The following CDC45 variants were observed in gnomAD, a reference collection of about 807,000 sequenced individuals.
The protein encoded by CDC45 is cell division control protein 45 homolog.
CDC45 carries 54 observed loss-of-function variants against 77.8 expected under a neutral mutation model. That is an observed-to-expected ratio of 0.69 (90% CI 0.56 to 0.87). The LOEUF (loss-of-function observed/expected upper bound fraction) is 0.87, where lower values mean the gene tolerates loss of function less well. Among genes scored for constraint, CDC45 ranks in the 40% least tolerant of loss-of-function variants. CDC45 has a pLI of 0.00. For missense variants in CDC45, 649 were observed against 721.6 expected, an observed-to-expected ratio of 0.90 and a Z score of 1.15; for synonymous variants, 260 against 272.1, an observed-to-expected ratio of 0.96 and a Z score of 0.44.
At chr22:19,518,807 C>T (rs760096218) in intron 17 of CDC45, 37 bp from the exon 18 acceptor site, 7 of 1,580,222 alleles carry the variant, frequency 4.4e-6, no homozygotes, top group Non-Finnish European at 6.1e-6. Flanking sequence ...GTTCCCACTC[C>T]TCCCTTCTCA....
chr22:19,516,360 T>C (rs973916514), intron 15 of CDC45, 167 bp from the exon 16 acceptor site: 3 of 667,152 alleles, frequency 4.5e-6, no homozygotes, highest in Non-Finnish European at 8.1e-6. Flanking sequence ...GACACTGGCC[T>C]TGGGCATCTA....
chr22:19,504,388 C>G (rs913201496), intron 9 of CDC45, among the ~76,000 whole-genome samples: 3 of 152,228 alleles, frequency 2.0e-5, no homozygotes, highest in Non-Finnish European at 2.9e-5. Flanking sequence ...CAACCTCCGC[C>G]TCCCAGATTC....
intron 8 of CDC45, 56 bp from the exon 9 acceptor site, chr22:19,499,045 G>A: frequency 6.4e-7 from 1 of 1,562,450 alleles, no homozygotes; most frequent in East Asian, 2.2e-5. Context: ...CATCCCCCAG[G>A]CCTCATTGAG....
intron 5 of CDC45, among the ~76,000 whole-genome samples, chr22:19,484,936 G>GTTT (rs59690810): frequency 1.4e-5 from 2 of 148,094 alleles, no homozygotes; most frequent in African/African-American, 2.5e-5. Context: ...TTTGTTTTTT[G>GTTT]TTTTTTTTTT....
At chr22:19,500,972 T>A (rs1490005698) in intron 9 of CDC45, among the ~76,000 whole-genome samples, 5 of 151,868 alleles carry the variant, frequency 3.3e-5, no homozygotes, top group Non-Finnish European at 7.4e-5. Context: ...AGGTCAGGAG[T>A]TCGAGACCAG....
At chr22:19,484,274 C>CA (rs1265838377) in intron 5 of CDC45, among the ~76,000 whole-genome samples, 10 of 152,108 alleles carry the variant, frequency 6.6e-5, no homozygotes, top group Admixed American at 1.3e-4. Context: ...GGCTAGATAG[C>CA]AAAAAAATAA....
At chr22:19,510,239 C>T (rs1404035394) in intron 13 of CDC45, among the ~76,000 whole-genome samples, 3 of 151,800 alleles carry the variant, frequency 2.0e-5, no homozygotes, top group Admixed American at 6.5e-5. Flanking sequence ...GAGGAACAGG[C>T]ATGAGCCACT....
chr22:19,499,207 C>G, intron 9 of CDC45, 56 bp downstream of exon 9: 1 of 1,568,984 alleles, frequency 6.4e-7, no homozygotes, highest in Non-Finnish European at 8.8e-7. Flanking sequence ...GCCAGGTGCA[C>G]AGCCTGACCA....
intron 9 of CDC45, among the ~76,000 whole-genome samples, chr22:19,500,687 C>T (rs1053626522): frequency 2.0e-5 from 3 of 152,122 alleles, no homozygotes; most frequent in Admixed American, 6.5e-5. Flanking sequence ...AATCAACTAT[C>T]CCAATTTTCC....
upstream of CDC45, chr22:19,479,584 G>A (rs2089937878): frequency 1.7e-6 from 1 of 589,154 alleles, no homozygotes; most frequent in Admixed American, 2.2e-5. Context: ...ATGTGACTGA[G>A]TTTAATGTAT....
chr22:19,497,257 C>A, intron 7 of CDC45, 129 bp from the exon 8 acceptor site: 1 of 766,886 alleles, frequency 1.3e-6, no homozygotes, highest in Non-Finnish European at 2.3e-6. Context: ...CCCACATGCC[C>A]TGGCCAGGTA....
intron 17 of CDC45, 70 bp downstream of exon 17, chr22:19,516,963 C>A: frequency 1.5e-6 from 2 of 1,334,098 alleles, no homozygotes; most frequent in Non-Finnish European, 2.2e-6. Context: ...GCCCTGGAAC[C>A]AAGCAAGTTG....
intron 4 of CDC45, among the ~76,000 whole-genome samples, chr22:19,483,595 CT>C (rs936699565): frequency 6.6e-5 from 10 of 152,138 alleles, no homozygotes; most frequent in Admixed American, 6.6e-4. Context: ...TGTTTCCAGA[CT>C]TAAGTAGACT....
chr22:19,506,586 C>G (rs1278876061), intron 10 of CDC45, among the ~76,000 whole-genome samples: 1 of 152,086 alleles, frequency 6.6e-6, no homozygotes, highest in Non-Finnish European at 1.5e-5. Context: ...GGGGGACAGT[C>G]CACACTCACA....
At chr22:19,489,108 C>A (rs984654276) in intron 5 of CDC45, among the ~76,000 whole-genome samples, 1 of 151,964 alleles carries the variant, frequency 6.6e-6, no homozygotes, top group Admixed American at 6.6e-5. Flanking sequence ...CCCAGTAAGT[C>A]GAGGCTGCAG....
intron 6 of CDC45, 151 bp downstream of exon 6, chr22:19,494,533 C>T (rs1266182898): frequency 6.4e-7 from 1 of 1,551,332 alleles, no homozygotes; most frequent in Admixed American, 2.0e-5. Flanking sequence ...CCTGTGGCCG[C>T]TGCATTGGAG....
intron 4 of CDC45, 94 bp downstream of exon 4, chr22:19,482,921 C>A: frequency 8.8e-7 from 1 of 1,130,036 alleles, no homozygotes; most frequent in Non-Finnish European, 1.3e-6. Flanking sequence ...TGTCTGACTA[C>A]CCTGTGGGAC....
chr22:19,516,393 C>T (rs538365913), intron 15 of CDC45, 134 bp from the exon 16 acceptor site: 7 of 740,624 alleles, frequency 9.5e-6, no homozygotes, highest in African/African-American at 5.2e-5. Flanking sequence ...TGGGTGGGGA[C>T]CAAGGCGTCT....
Position 19,514,865 on chromosome 22 carries a change from T to C in CDC45, c.1334T>C (p.Phe445Ser). The change falls in exon 14 of 19, where the codon TTC becomes TCC. Residue 445 changes from phenylalanine (F) to serine (S), a missense_variant. By Grantham distance (155) the Phe-to-Ser change is radical. Coordinates refer to ENST00000263201, the MANE Select transcript of CDC45 (RefSeq NM_003504.5). ...CTNLVISQGP[F>S]LYCSLMEGTP... ...AACCTCGTCATCTCCCAGGGGCCTT[T>C]CCTGTACTGCTCTCTCATGGAGGTC... is the stretch of plus-strand genomic sequence containing the variant. 6.2e-7 allele frequency: 1 copy of C among 1,614,214 alleles called. No individual in the cohort carries two copies. Among genetic ancestry groups the C allele is most frequent in the Non-Finnish European group, 8.5e-7 (1 of 1,180,044 alleles).
Sources: allele counts gnomAD v4.1 joint callset (sites outside exome capture counted in the v4.1 genomes callset), GRCh38; gene constraint gnomAD v4.1.1; transcripts MANE v1.5; gene names NCBI Gene and HGNC (gene_info 2026-07-23, HGNC 2026-07-21).